The following DHX9 variants were observed in gnomAD, a reference collection of about 807,000 sequenced individuals.
DHX9 encodes ATP-dependent RNA helicase A.
In DHX9, 27 loss-of-function variants were observed where a neutral mutation model predicts 148.7. The observed-to-expected ratio is 0.18, with a 90% CI of 0.13 to 0.25. The LOEUF (loss-of-function observed/expected upper bound fraction) is 0.25, where lower values mean the gene tolerates loss of function less well. Ranked by LOEUF, DHX9 falls within the 10% of genes least tolerant of loss-of-function variation. The probability of loss-of-function intolerance (pLI) is 1.00; values close to 1 mark genes in which losing one functional copy is unlikely to be tolerated. For synonymous variants in DHX9, 529 were observed against 516.6 expected (o/e 1.02, Z -0.33); for missense variants, 796 against 1,559.6 (o/e 0.51, Z 8.25).
chr1:182,854,980 A>G (rs1371520166), intron 6 of DHX9, among the ~76,000 whole-genome samples: 1 of 152,216 alleles, frequency 6.6e-6, no homozygotes, highest in African/African-American at 2.4e-5. Context: ...AAATTATCCA[A>G]ATACATTAAA....
At position 182,881,547 on chromosome 1, in the gene DHX9, T is replaced by C; in HGVS notation, c.2814T>C (p.Arg938=). The C allele has an allele frequency of 6.2e-7, 1 of 1,613,076 alleles. No homozygotes were observed. Among genetic ancestry groups the C allele is most frequent in the Non-Finnish European group, 8.5e-7 (1 of 1,179,754 alleles). The change falls in exon 24 of 28, where the codon CGT becomes CGC. Residue 938 remains arginine, a synonymous_variant. Coordinates refer to ENST00000367549, the MANE Select transcript of DHX9 (RefSeq NM_001357.5). ...TGGGTGGAGAAGAAGCAGAGATACG[T>C]TTTTGTGAGCACAAAAGACTTAATA... ...ARMGGEEAEI[R]FCEHKRLNMA...
In DHX9 at chr1:182,858,113, C is replaced by T. The variant is rs1668289077; in HGVS notation, c.683C>T (p.Ala228Val). 6.2e-7 allele frequency: 1 copy of T among 1,609,976 alleles called. No individual in the cohort carries two copies. Among genetic ancestry groups the T allele is most frequent in the Non-Finnish European group, 8.5e-7 (1 of 1,179,080 alleles). ...TGACCTTACATTATAGGGATTTTTG[C>T]ACGAGAACATGGATCAAATAAGAAA... ...YIKQLGRRIF[A>V]REHGSNKKLA... Residue 228 changes from alanine to valine, a missense_variant, in exon 8 of 28, where the codon GCA (alanine) becomes GTA (valine). Around this residue, in one of 14 missense-constraint regions of DHX9, gnomAD observed 46 missense variants for 136.3 expected, o/e 0.34. Transcript: ENST00000367549.
At chr1:182,851,874 A>G (rs1341973276) in intron 3 of DHX9, among the ~76,000 whole-genome samples, 1 of 152,228 alleles carries the variant, frequency 6.6e-6, no homozygotes, top group Non-Finnish European at 1.5e-5. Context: ...GAAATGGAGT[A>G]GAAAGATACT....
At chr1:182,860,698 A>G (rs1384661014) in intron 12 of DHX9, among the ~76,000 whole-genome samples, 1 of 152,246 alleles carries the variant, frequency 6.6e-6, no homozygotes, top group Non-Finnish European at 1.5e-5. Flanking sequence ...GTTAACACAG[A>G]AAGTGGTAGA....
intron 11 of DHX9, 96 bp from the exon 12 acceptor site, chr1:182,859,896 GC>G (rs1668326447): frequency 4.1e-6 from 5 of 1,225,682 alleles, no homozygotes; most frequent in Admixed American, 4.7e-5. Flanking sequence ...GAGCCACCGC[GC>G]CCAGTCTATA....
rs774647805 is a variant in DHX9, at chr1:182,883,609, T to G, written c.3234T>G (p.Asp1078Glu). 1 of 1,613,662 alleles carries G rather than the reference T, an allele frequency of 6.2e-7. No individual in the cohort carries two copies. The highest frequency in any genetic ancestry group is 8.5e-7 in the Non-Finnish European group (1 of 1,179,608). The change falls in exon 26 of 28, where the codon GAT (aspartate) becomes GAG (glutamate). Residue 1078 changes from aspartate to glutamate, a missense_variant. Coordinates refer to ENST00000367549, the MANE Select transcript of DHX9 (RefSeq NM_001357.5). ...TTGCCTCCAAGAAAGTCCAATCTGATGGGCAGATTGTGCTTGTAGATGACT... is the reference window on the plus strand; with the variant it reads ...TTGCCTCCAAGAAAGTCCAATCTGAGGGGCAGATTGTGCTTGTAGATGACT... ...LLFASKKVQSDGQIVLVDDWI... is the reference protein window; with the variant it reads ...LLFASKKVQSEGQIVLVDDWI...
At chr1:182,879,529 A>G (rs1018346131) in intron 21 of DHX9, 119 bp downstream of exon 21, 10 of 968,104 alleles carry the variant, frequency 1.0e-5, no homozygotes, top group African/African-American at 5.0e-5. Context: ...GGGCTGTGAT[A>G]ATAATAGTAA....
rs757026273 is a variant in DHX9, at chr1:182,883,502, CTCTT to C, written c.3145-14_3145-11del. 3 of 1,607,776 alleles carry C rather than the reference CTCTT, an allele frequency of 1.9e-6. No homozygotes were observed. Among genetic ancestry groups the C allele is most frequent in the East Asian group, 4.5e-5 (2 of 44,802 alleles). ...TGGAATGTCAACCATTTTGTATTGT[CTCTT>C]TCTCCATTTGCAGATTCGAACTCGA... On this transcript the variant is annotated splice_polypyrimidine_tract_variant and intron_variant, in intron 25 of 27. Coordinates refer to ENST00000367549, the MANE Select transcript of DHX9 (RefSeq NM_001357.5).
At chr1:182,841,047 T>C (rs1667917359) in intron 1 of DHX9, among the ~76,000 whole-genome samples, 1 of 152,084 alleles carries the variant, frequency 6.6e-6, no homozygotes, top group African/African-American at 2.4e-5. Context: ...AATCCAGCAC[T>C]TCGGGAGGTT....
chr1:182,881,227 G>T, intron 22 of DHX9, 37 bp from the exon 23 acceptor site: 1 of 1,590,348 alleles, frequency 6.3e-7, no homozygotes, highest in South Asian at 1.1e-5. Flanking sequence ...ACAACATTGT[G>T]ATCTAGTCTG....
intron 3 of DHX9, among the ~76,000 whole-genome samples, chr1:182,850,385 A>C (rs1471274125): frequency 6.6e-6 from 1 of 152,154 alleles, no homozygotes; most frequent in Admixed American, 6.6e-5. Flanking sequence ...TCTTGAGTCC[A>C]GAAGTTCAAG....
intron 3 of DHX9, among the ~76,000 whole-genome samples, chr1:182,851,490 C>T (rs1487695797): frequency 1.3e-5 from 2 of 152,114 alleles, no homozygotes; most frequent in Admixed American, 6.5e-5. Flanking sequence ...CAGAATGAAA[C>T]AGGAGAAATT....
chr1:182,851,569 C>G (rs752527148), intron 3 of DHX9, among the ~76,000 whole-genome samples: 15 of 152,052 alleles, frequency 9.9e-5, no homozygotes, highest in Admixed American at 2.0e-4. Context: ...ATGTTCTTTG[C>G]AAACAGAAAT....
intron 14 of DHX9, among the ~76,000 whole-genome samples, chr1:182,871,327 A>G (rs1310428279): frequency 6.6e-6 from 1 of 152,228 alleles, no homozygotes; most frequent in African/African-American, 2.4e-5. Context: ...CTAGATCACA[A>G]CAAGACACTG....
At chr1:182,856,143 A>G (rs1668247617) in intron 6 of DHX9, among the ~76,000 whole-genome samples, 1 of 152,236 alleles carries the variant, frequency 6.6e-6, no homozygotes, top group African/African-American at 2.4e-5. Flanking sequence ...ATCTTAAAAT[A>G]ATTATAACCG....
intron 21 of DHX9, among the ~76,000 whole-genome samples, chr1:182,880,191 C>A (rs1243661799): frequency 6.6e-6 from 1 of 152,112 alleles, no homozygotes; most frequent in Non-Finnish European, 1.5e-5. Context: ...GGGTATCAGA[C>A]TTCTTATGGC....
intron 6 of DHX9, among the ~76,000 whole-genome samples, chr1:182,854,639 T>G (rs1450946138): frequency 6.6e-6 from 1 of 152,128 alleles, no homozygotes; most frequent in Admixed American, 6.5e-5. Flanking sequence ...ACTTAAGCCT[T>G]GAAAACTGCC....
At chr1:182,863,343 G>A (rs2102604491) in intron 12 of DHX9, among the ~76,000 whole-genome samples, 4 of 152,298 alleles carry the variant, frequency 2.6e-5, no homozygotes, top group Admixed American at 2.6e-4. Flanking sequence ...CTACTAGAAT[G>A]CAGCAGGAAA....
At chr1:182,858,292 C>T (rs190641859) in intron 8 of DHX9, 52 bp downstream of exon 8, 5 of 1,580,086 alleles carry the variant, frequency 3.2e-6, no homozygotes. Context: ...TTCAATTTAG[C>T]TCTTGTTTAG....
Sources: gnomAD v4.1 joint callset for allele counts (sites outside exome capture counted in the v4.1 genomes callset) on GRCh38, gnomAD v4.1.1 for gene constraint, gnomAD v4.1.1 regional missense constraint, MANE v1.5 for transcripts, NCBI Gene and HGNC (gene_info 2026-07-23, HGNC 2026-07-21) for gene names.